Variants in DTNA observed in about 807,000 individuals in gnomAD.
DTNA encodes dystrophin-related protein 3.
In DTNA, 43 loss-of-function variants were observed where a neutral mutation model predicts 100.7. The observed-to-expected ratio is 0.43, with a 90% confidence interval of 0.33 to 0.55. DTNA has a LOEUF of 0.55. Ranked by LOEUF, DTNA falls within the 20% of genes least tolerant of loss-of-function variation. The pLI is 0.04. For missense variants in DTNA, 798 were observed against 953.9 expected (o/e 0.84, Z 2.15); for synonymous variants, 349 against 347.9 (o/e 1.00, Z -0.04).
chr18:34,662,949 T>C (rs2075394657), intron 1 of DTNA: 1 of 152,150 alleles, frequency 6.6e-6, no homozygotes, highest in African/African-American at 2.4e-5. Context: ...TTTTTCACTA[T>C]GGGACAGTCA....
rs35125248 is a variant in DTNA, at chr18:34,889,136, TA to T, written c.*1408del. ...TACTTGCTTCAAGATTTGATTTTTTTAAAAAAGCCTGCGACCTATTCAATAC... is the reference window on the plus strand; with the variant it reads ...TACTTGCTTCAAGATTTGATTTTTTTAAAAAGCCTGCGACCTATTCAATAC... On this transcript the variant is annotated 3_prime_UTR_variant, in exon 23 of 23. Coordinates refer to ENST00000444659, the MANE Select transcript of DTNA (RefSeq NM_001386795.1). 1.0e-6 allele frequency: 1 copy of T among 985,196 alleles called. No homozygotes were observed. Among genetic ancestry groups the T allele is most frequent in the Non-Finnish European group, 1.2e-6 (1 of 829,894 alleles). 61.0% of individuals were successfully genotyped at this position (985,196 alleles called of 1,614,324 possible).
chr18:34,531,424 A>AT (rs1051176487), intron 1 of DTNA, among the ~76,000 whole-genome samples: 1 of 152,050 alleles, frequency 6.6e-6, no homozygotes, highest in Non-Finnish European at 1.5e-5. Flanking sequence ...TACATAAGCT[A>AT]TTTTTTTCCT....
chr18:34,860,213 A>ATT (rs1169379979), intron 16 of DTNA, among the ~76,000 whole-genome samples: 59 of 74,312 alleles, frequency 7.9e-4, no homozygotes, highest in Non-Finnish European at 1.0e-3. Context: ...CGCCCGGCTA[A>ATT]TTTTTTGTTT....
chr18:34,576,356 C>T (rs997753974), intron 1 of DTNA, among the ~76,000 whole-genome samples: 2 of 152,218 alleles, frequency 1.3e-5, no homozygotes, highest in African/African-American at 2.4e-5. Context: ...GACAAACTTG[C>T]AGGGAGGGAA....
intron 5 of DTNA, among the ~76,000 whole-genome samples, chr18:34,809,146 T>C (rs1192515619): frequency 2.6e-5 from 4 of 152,174 alleles, no homozygotes; most frequent in Non-Finnish European, 5.9e-5. Flanking sequence ...TTATGAATAT[T>C]TCTAGTTTCT....
intron 19 of DTNA, 92 bp from the exon 20 acceptor site, chr18:34,879,459 G>A: frequency 1.6e-6 from 2 of 1,276,366 alleles, no homozygotes; most frequent in South Asian, 1.2e-5. Flanking sequence ...ATTTTACACA[G>A]CACAGGTTGA....
At chr18:34,566,259 G>A (rs1456331346) in intron 1 of DTNA, among the ~76,000 whole-genome samples, 1 of 151,722 alleles carries the variant, frequency 6.6e-6, no homozygotes, top group Non-Finnish European at 1.5e-5. Flanking sequence ...GGTGGCATAG[G>A]AGAGAAGAGA....
At chr18:34,727,350 T>C (rs2086947434) in intron 1 of DTNA, among the ~76,000 whole-genome samples, 2 of 152,236 alleles carry the variant, frequency 1.3e-5, no homozygotes, top group Admixed American at 1.3e-4. Flanking sequence ...CTAGTAATTT[T>C]ACTTTTAGGA....
chr18:34,706,588 G>A (rs764026240), upstream of DTNA, among the ~76,000 whole-genome samples: 41 of 152,108 alleles, frequency 2.7e-4, no homozygotes, highest in Non-Finnish European at 5.6e-4. Context: ...TAGGTTATCT[G>A]TAAGATATGG....
intron 1 of DTNA, among the ~76,000 whole-genome samples, chr18:34,650,218 A>C (rs1446737563): frequency 1.3e-5 from 2 of 152,132 alleles, no homozygotes; most frequent in Non-Finnish European, 2.9e-5. Flanking sequence ...CCTGAAAGCC[A>C]AGTGTTTGAA....
intron 3 of DTNA, among the ~76,000 whole-genome samples, chr18:34,775,472 A>G (rs1263495807): frequency 6.6e-6 from 1 of 152,108 alleles, no homozygotes; most frequent in African/African-American, 2.4e-5. Flanking sequence ...ACAGAGCGAG[A>G]CTCCATCTCA....
chr18:34,833,097 A>ATAATATTTGT (rs2096056742), intron 11 of DTNA, among the ~76,000 whole-genome samples: 1 of 152,176 alleles, frequency 6.6e-6, no homozygotes, highest in Admixed American at 6.5e-5. Flanking sequence ...ATTTGTTTCT[A>ATAATATTTGT]TAATATTTGT....
intron 19 of DTNA, among the ~76,000 whole-genome samples, chr18:34,878,312 A>G (rs972063378): frequency 2.6e-5 from 4 of 152,176 alleles, no homozygotes; most frequent in African/African-American, 7.2e-5. Context: ...TTAAAAGACT[A>G]TTAACACATA....
upstream of DTNA, among the ~76,000 whole-genome samples, chr18:34,706,393 T>C (rs144454872): frequency 6.6e-6 from 1 of 152,334 alleles, no homozygotes; most frequent in East Asian, 1.9e-4. Context: ...CATTATCTTT[T>C]CATGAGAACA....
chr18:34,527,450 C>T (rs2509596), intron 1 of DTNA, among the ~76,000 whole-genome samples: 96,259 of 151,814 alleles, frequency 0.63, 31,201 homozygotes, highest in East Asian at 0.9. Context: ...CAGATATAGA[C>T]AGAAACTTCA....
intron 3 of DTNA, among the ~76,000 whole-genome samples, chr18:34,766,257 C>T (rs1046542251): frequency 6.6e-6 from 1 of 152,022 alleles, no homozygotes; most frequent in African/African-American, 2.4e-5. Flanking sequence ...GCATATGAAC[C>T]GTTTAGTTCA....
intron 1 of DTNA, among the ~76,000 whole-genome samples, chr18:34,660,783 A>G (rs1255153383): frequency 1.3e-5 from 2 of 152,178 alleles, no homozygotes; most frequent in South Asian, 2.1e-4. Context: ...TGCCAATTAG[A>G]AATTGTTTGA....
At chr18:34,537,058 A>C (rs887207447) in intron 1 of DTNA, among the ~76,000 whole-genome samples, 5 of 152,020 alleles carry the variant, frequency 3.3e-5, no homozygotes, top group African/African-American at 1.2e-4. Context: ...TCTTGAAGTC[A>C]AACTGTGTTC....
At chr18:34,495,584 TGGCGAGAGTTG>T (rs1415500133) in intron 1 of DTNA, among the ~76,000 whole-genome samples, 5 of 152,234 alleles carry the variant, frequency 3.3e-5, no homozygotes, top group African/African-American at 4.8e-5. Context: ...CCACTCACTC[TGGCGAGAGTTG>T]GGCGGTTTTA....
Sources: gnomAD v4.1 joint callset for allele counts (sites outside exome capture counted in the v4.1 genomes callset) on GRCh38, gnomAD v4.1.1 for gene constraint, MANE v1.5 for transcripts, NCBI Gene and HGNC (gene_info 2026-07-23, HGNC 2026-07-21) for gene names.